Variants in CADM1 observed in about 807,000 individuals in gnomAD.
CADM1 encodes the protein cell adhesion molecule 1.
In CADM1, 15 loss-of-function variants were observed where a neutral mutation model predicts 53.1. That is an observed-to-expected ratio of 0.28 (90% CI 0.19 to 0.44). The LOEUF (loss-of-function observed/expected upper bound fraction) is 0.44. Ranked by LOEUF, CADM1 falls within the 20% of genes least tolerant of loss-of-function variation. The pLI is 1.00. For missense variants in CADM1, 434 were observed against 611.3 expected (o/e 0.71, Z 3.06); for synonymous variants, 281 against 243.0 (o/e 1.16, Z -1.45).
intron 1 of CADM1, among the ~76,000 whole-genome samples, chr11:115,428,264 T>C (rs1434742931): frequency 1.3e-5 from 2 of 152,104 alleles, no homozygotes; most frequent in Non-Finnish European, 2.9e-5. Flanking sequence ...TATTTATGGG[T>C]TCCTTTAGAA....
chr11:115,399,304 C>G (rs1008008062), intron 1 of CADM1: 19 of 152,098 alleles, frequency 1.2e-4, no homozygotes, highest in African/African-American at 4.6e-4. Flanking sequence ...GAGTTCTTAA[C>G]AAAACACGTA....
chr11:115,238,745 C>T, intron 2 of CADM1, 93 bp from the exon 3 acceptor site: 2 of 1,321,198 alleles, frequency 1.5e-6, no homozygotes, highest in Non-Finnish European at 2.2e-6. Context: ...GTATCTGATA[C>T]TTCTTGACTT....
chr11:115,276,580 A>G (rs942689621), intron 1 of CADM1, among the ~76,000 whole-genome samples: 38 of 152,354 alleles, frequency 2.5e-4, no homozygotes, highest in African/African-American at 8.9e-4. Context: ...ATACATATTC[A>G]TGGTGATTTG....
At position 115,191,471 on chromosome 11, in the gene CADM1, T is replaced by A. The variant is rs1192895260; in HGVS notation, c.1112-530A>T. On this transcript the variant is annotated intron_variant, in intron 9 of 11. Coordinates refer to ENST00000331581, the MANE Select transcript of CADM1 (RefSeq NM_001301043.2). ...GTTATGCCTTCATCAGAAAATCTGA[T>A]TCGCAAAATGATTTTTTTAAAAAAG... is the stretch of plus-strand genomic sequence containing the variant. Among the ~76,000 whole-genome samples, 4 of 152,222 alleles carry A rather than the reference T, an allele frequency of 2.6e-5. No individual in the cohort carries two copies. The East Asian group carries it at 7.7e-4, about 29-fold the overall frequency.
At chr11:115,434,958 T>C (rs146703441) in intron 1 of CADM1, among the ~76,000 whole-genome samples, 2,235 of 151,402 alleles carry the variant, frequency 0.015, 58 homozygotes, top group African/African-American at 0.051. Context: ...CTTCCTGGGT[T>C]CAAGCGATTC....
chr11:115,340,342 C>T (rs1274022768), intron 1 of CADM1: 1 of 151,826 alleles, frequency 6.6e-6, no homozygotes, highest in Non-Finnish European at 1.5e-5. Flanking sequence ...ATCACAAATG[C>T]AAGCTCTATT....
At chr11:115,346,126 G>A (rs1173979922) in intron 1 of CADM1, among the ~76,000 whole-genome samples, 2 of 152,124 alleles carry the variant, frequency 1.3e-5, no homozygotes, top group Non-Finnish European at 2.9e-5. Flanking sequence ...TTGCAAGCTG[G>A]ACAGAGAGCA....
intron 7 of CADM1, among the ~76,000 whole-genome samples, chr11:115,212,900 A>T (rs1269878977): frequency 2.0e-5 from 3 of 152,234 alleles, no homozygotes; most frequent in African/African-American, 7.2e-5. Context: ...TAAAGTGAGC[A>T]CTAAATAAAT....
At chr11:115,504,203 C>A in intron 1 of CADM1, 68 bp downstream of exon 1, 1 of 1,550,568 alleles carries the variant, frequency 6.4e-7, no homozygotes, top group Non-Finnish European at 8.7e-7. Context: ...CGTTTCCCCC[C>A]TCTGTGGCCA....
intron 1 of CADM1, among the ~76,000 whole-genome samples, chr11:115,290,052 G>A (rs1041056759): frequency 2.6e-5 from 4 of 152,288 alleles, no homozygotes; most frequent in East Asian, 1.9e-4. Context: ...TTCCACGAGC[G>A]CCACAGCGTC....
At chr11:115,409,904 G>C (rs999637012) in intron 1 of CADM1, among the ~76,000 whole-genome samples, 1 of 152,116 alleles carries the variant, frequency 6.6e-6, no homozygotes, top group South Asian at 2.1e-4. Context: ...CAGACAGAAG[G>C]GGGTCTGTAC....
At chr11:115,324,696 T>A (rs1335014103) in intron 1 of CADM1, among the ~76,000 whole-genome samples, 1 of 152,182 alleles carries the variant, frequency 6.6e-6, no homozygotes, top group African/African-American at 2.4e-5. Context: ...AAAACTGCGA[T>A]GAGGAATGAC....
chr11:115,486,348 T>C (rs1949372504), intron 1 of CADM1, among the ~76,000 whole-genome samples: 1 of 152,158 alleles, frequency 6.6e-6, no homozygotes, highest in South Asian at 2.1e-4. Context: ...AATTTATTTA[T>C]TTGTTTATGT....
chr11:115,483,412 C>A (rs1030853329), intron 1 of CADM1, among the ~76,000 whole-genome samples: 1 of 152,190 alleles, frequency 6.6e-6, no homozygotes, highest in African/African-American at 2.4e-5. Context: ...CAGTAACCTT[C>A]AAGATTTACC....
intron 2 of CADM1, among the ~76,000 whole-genome samples, chr11:115,239,325 G>A (rs923590922): frequency 6.6e-6 from 1 of 152,122 alleles, no homozygotes; most frequent in Non-Finnish European, 1.5e-5. Flanking sequence ...GGATGACCTC[G>A]AGCCTACGGA....
chr11:115,203,558 G>T (rs534463235), intron 8 of CADM1, among the ~76,000 whole-genome samples: 1 of 152,056 alleles, frequency 6.6e-6, no homozygotes, highest in South Asian at 2.1e-4. Flanking sequence ...TTTAATTCTG[G>T]GAAACCTGTA....
intron 1 of CADM1, among the ~76,000 whole-genome samples, chr11:115,455,727 C>G (rs1169980021): frequency 6.6e-6 from 1 of 152,184 alleles, no homozygotes; most frequent in Non-Finnish European, 1.5e-5. Flanking sequence ...AAGCTCCTCC[C>G]CCTAAGAGGA....
intron 1 of CADM1, among the ~76,000 whole-genome samples, chr11:115,314,135 G>A (rs1944598032): frequency 0.016 from 1 of 64 alleles, no homozygotes; most frequent in African/African-American, 0.062. Context: ...TAGTACCCCA[G>A]GAAAACCTGT....
chr11:115,445,384 A>C lies in CADM1; in HGVS notation c.124+58887T>G, dbSNP rs1374266053. ...AGTTTCTTATATAGACAATAGAGGT[A>C]ATGAGAAGGCTCTGAATATTAAAGA... is the stretch of plus-strand genomic sequence containing the variant. On this transcript the variant is annotated intron_variant, in intron 1 of 11. Transcript: ENST00000331581. Among the ~76,000 whole-genome samples, 4 of 152,170 alleles carry C rather than the reference A, an allele frequency of 2.6e-5. No homozygotes were observed. The East Asian group carries it at 7.7e-4, about 29-fold the overall frequency.
Sources: allele counts gnomAD v4.1 joint callset (sites outside exome capture counted in the v4.1 genomes callset), GRCh38; gene constraint gnomAD v4.1.1; transcripts MANE v1.5; gene names NCBI Gene and HGNC (gene_info 2026-07-23, HGNC 2026-07-21).